The following FAF1 variants were observed in gnomAD, a reference collection of about 807,000 sequenced individuals.
FAF1 encodes the protein FAS-associated factor 1.
In FAF1, 25 loss-of-function variants were observed where a neutral mutation model predicts 92.5. That is an observed-to-expected ratio of 0.27 (90% CI 0.20 to 0.38). The LOEUF (loss-of-function observed/expected upper bound fraction) is 0.38. Ranked by LOEUF, FAF1 falls within the 10% of genes least tolerant of loss-of-function variation. The probability of loss-of-function intolerance (pLI) is 1.00; values close to 1 mark genes in which losing one functional copy is unlikely to be tolerated. For synonymous variants in FAF1, 234 were observed against 273.2 expected (o/e 0.86, Z 1.42); for missense variants, 636 against 793.3 (o/e 0.80, Z 2.38).
chr1:50,904,546 G>C (rs1020411473), intron 1 of FAF1, among the ~76,000 whole-genome samples: 3 of 152,048 alleles, frequency 2.0e-5, no homozygotes, highest in African/African-American at 7.2e-5. Flanking sequence ...ATGTATGCAT[G>C]TTTACTTTCC....
intron 18 of FAF1, among the ~76,000 whole-genome samples, chr1:50,445,581 G>GA (rs1646218972): frequency 6.6e-6 from 1 of 152,138 alleles, no homozygotes; most frequent in Admixed American, 6.5e-5. Flanking sequence ...CAAGGGTCAG[G>GA]AAAAAAGTCC....
chr1:50,555,976 T>C lies in FAF1; in HGVS notation c.1268+11101A>G, dbSNP rs145414409. Among the ~76,000 whole-genome samples the C allele has an allele frequency of 3.5e-3, 538 of 151,894 alleles. 1 individual carries two copies. The highest frequency in any genetic ancestry group is 6.1e-3 in the Non-Finnish European group (416 of 67,972). ...ATATATATGGTATGTGTATATATTATATATATGGTGTGTATATATATGGTG... is the reference window on the plus strand; with the variant it reads ...ATATATATGGTATGTGTATATATTACATATATGGTGTGTATATATATGGTG... On this transcript the variant is annotated intron_variant, in intron 13 of 18. Transcript: ENST00000396153.
chr1:50,851,081 A>T (rs1046642868), intron 2 of FAF1, among the ~76,000 whole-genome samples: 29 of 135,452 alleles, frequency 2.1e-4, no homozygotes, highest in East Asian at 6.3e-4. Context: ...AGCAATTTAC[A>T]TTTTTTTTTT....
chr1:50,858,922 C>G (rs1012997178), intron 1 of FAF1, among the ~76,000 whole-genome samples: 8 of 151,744 alleles, frequency 5.3e-5, no homozygotes, highest in African/African-American at 1.7e-4. Flanking sequence ...TCCAACAGCA[C>G]ATCAAAAAGT....
rs148450176 is a variant in FAF1 at position 50,946,707 on chromosome 1, A to G, written c.45+13060T>C. 3.9e-5 allele frequency among the ~76,000 whole-genome samples: 6 copies of G among 152,348 alleles called. No individual in the cohort carries two copies. In the East Asian group the frequency reaches 1.2e-3, roughly 29 times the overall value. The stretch of plus-strand genomic sequence containing the variant: ...AGAGACAATGAACTTTATGATTCAC[A>G]GCAATATTAGTAGTCAAAGTATCAG... On this transcript the variant is annotated intron_variant, in intron 1 of 18. Coordinates refer to ENST00000396153, the MANE Select transcript of FAF1 (RefSeq NM_007051.3).
intron 8 of FAF1, among the ~76,000 whole-genome samples, chr1:50,607,480 A>C (rs1322392449): frequency 6.6e-6 from 1 of 151,908 alleles, no homozygotes; most frequent in Non-Finnish European, 1.5e-5. Flanking sequence ...ATTACCTCCC[A>C]CTATTTTTGT....
At chr1:50,597,171 T>C (rs147101877) in intron 8 of FAF1, among the ~76,000 whole-genome samples, 1,896 of 152,296 alleles carry the variant, frequency 0.012, 21 homozygotes, top group Non-Finnish European at 0.018. Context: ...CATTACTTTT[T>C]ACTAGTCTGT....
At chr1:50,924,765 C>G (rs1644990987) in intron 1 of FAF1, among the ~76,000 whole-genome samples, 1 of 152,130 alleles carries the variant, frequency 6.6e-6, no homozygotes, top group Non-Finnish European at 1.5e-5. Context: ...GGTGGATCAC[C>G]TGAGTTCAAG....
At chr1:50,936,765 G>GA (rs908931841) in intron 1 of FAF1, among the ~76,000 whole-genome samples, 1 of 152,162 alleles carries the variant, frequency 6.6e-6, no homozygotes, top group African/African-American at 2.4e-5. Flanking sequence ...AGGAAAAGGG[G>GA]ACAGGACAGA....
intron 2 of FAF1, among the ~76,000 whole-genome samples, chr1:50,808,379 C>T (rs1425034021): frequency 6.6e-6 from 1 of 152,132 alleles, no homozygotes; most frequent in Non-Finnish European, 1.5e-5. Context: ...CAGGTAACAA[C>T]AAGATGACAG....
At chr1:50,931,884 AAATAAAT>A (rs1414233367) in intron 1 of FAF1, among the ~76,000 whole-genome samples, 1,951 of 62,668 alleles carry the variant, frequency 0.031, 7 homozygotes, top group East Asian at 0.053. Context: ...AAAAATAAAT[AAATAAAT>A]AATAATAATA....
intron 7 of FAF1, among the ~76,000 whole-genome samples, chr1:50,691,948 G>A (rs1656949445): frequency 6.6e-6 from 1 of 152,222 alleles, no homozygotes; most frequent in South Asian, 2.1e-4. Context: ...CAGGCCAGGT[G>A]TGGTGGCTGA....
At chr1:50,450,979 T>C (rs1338195150) in intron 18 of FAF1, among the ~76,000 whole-genome samples, 2 of 152,160 alleles carry the variant, frequency 1.3e-5, no homozygotes, top group Non-Finnish European at 2.9e-5. Context: ...CCTATGCAAT[T>C]GCTAGGCCAG....
intron 12 of FAF1, among the ~76,000 whole-genome samples, chr1:50,573,947 G>A (rs1414971630): frequency 6.6e-6 from 1 of 151,854 alleles, no homozygotes; most frequent in Non-Finnish European, 1.5e-5. Context: ...GGCCAACAGG[G>A]CGAAACCCCA....
chr1:50,623,970 A>AGAAGAAGAG lies in FAF1; in HGVS notation c.745-27763_745-27755dup, dbSNP rs1038658889. 5.9e-5 allele frequency among the ~76,000 whole-genome samples: 9 copies of AGAAGAAGAG among 152,058 alleles called. No homozygotes were observed. In the East Asian group the frequency reaches 9.7e-4, roughly 16 times the overall value. On this transcript the variant is annotated intron_variant, in intron 8 of 18. Coordinates refer to ENST00000396153, the MANE Select transcript of FAF1 (RefSeq NM_007051.3). ...AACAAAGAAAGAAGAAGAAGAAGAA[A>AGAAGAAGAG]GAAGAAGAGGAAGAAGAGGAAGAAG...
chr1:50,456,085 A>G (rs899989387), intron 18 of FAF1, among the ~76,000 whole-genome samples: 1 of 152,056 alleles, frequency 6.6e-6, no homozygotes, highest in African/African-American at 2.4e-5. Flanking sequence ...AAACAAAAAA[A>G]AATTTTTTTT....
chr1:50,486,591 G>C (rs761165656), intron 17 of FAF1, among the ~76,000 whole-genome samples: 2 of 151,676 alleles, frequency 1.3e-5, no homozygotes, highest in Non-Finnish European at 2.9e-5. Context: ...TTAGATATCA[G>C]CTTCCTCCAA....
intron 2 of FAF1, among the ~76,000 whole-genome samples, chr1:50,822,422 G>A (rs976917912): frequency 1.3e-5 from 2 of 152,176 alleles, no homozygotes; most frequent in African/African-American, 4.8e-5. Flanking sequence ...AAACTACAGG[G>A]CTAGGAACAA....
At chr1:50,587,901 T>C (rs1651314645) in intron 9 of FAF1, among the ~76,000 whole-genome samples, 1 of 152,222 alleles carries the variant, frequency 6.6e-6, no homozygotes, top group Non-Finnish European at 1.5e-5. Flanking sequence ...TTAGAACTCA[T>C]AACTGGCATT....
Sources: allele counts gnomAD v4.1 joint callset (sites outside exome capture counted in the v4.1 genomes callset), GRCh38; gene constraint gnomAD v4.1.1; transcripts MANE v1.5; gene names NCBI Gene and HGNC (gene_info 2026-07-23, HGNC 2026-07-21).